SUB1: variants seen among roughly 807,000 people sequenced by gnomAD.
SUB1 encodes activated RNA polymerase II transcriptional coactivator p15.
Under a neutral mutation model 16.9 loss-of-function variants are expected in SUB1, and 1 was observed. The ratio of observed to expected loss-of-function variants is 0.06; its 90% CI spans 0.02 to 0.28. The LOEUF is 0.28. SUB1 is among the 10% of genes least tolerant of loss of function. The pLI, the probability that SUB1 is intolerant of heterozygous loss-of-function variation, is 1.00. For synonymous variants in SUB1, 51 were observed against 46.9 expected (o/e 1.09, Z -0.36); for missense variants, 84 against 145.2 (o/e 0.58, Z 2.16).
rs988406593 is a variant in SUB1 at position 32,601,846 on chromosome 5, A to C, written c.*762A>C. ...TAGTCTGCAGAAAATAATGACTTAG[A>C]TGAGATGTCTGACTTGCTTTCACTT... On this transcript the variant is annotated 3_prime_UTR_variant, in exon 5 of 5. Transcript: ENST00000265073. The C allele has an allele frequency of 1.2e-5, 2 of 161,654 alleles. No individual in the cohort carries two copies. The highest frequency in any genetic ancestry group is 6.0e-5 in the Admixed American group (1 of 16,790). The allele number at this position is 161,654 out of a possible 1,614,324, so 10.0% of individuals were successfully genotyped here. A position where few individuals can be genotyped will look rare whatever the true frequency, so the allele number is the denominator to read the frequency against.
intron 3 of SUB1, chr5:32,594,521 G>C: frequency 2.3e-6 from 1 of 433,314 alleles, no homozygotes; most frequent in Non-Finnish European, 4.7e-6. Context: ...TCTGGGGCAG[G>C]AGTCCATAGA....
intron 3 of SUB1, chr5:32,597,228 A>G (rs980770487): frequency 6.6e-6 from 1 of 152,170 alleles, no homozygotes; most frequent in Non-Finnish European, 1.5e-5. Flanking sequence ...CTCTGTGGCC[A>G]TTAAACAACA....
chr5:32,588,688 C>G (rs1179317713), intron 2 of SUB1, 104 bp downstream of exon 2: 3 of 1,201,682 alleles, frequency 2.5e-6, no homozygotes, highest in Non-Finnish European at 3.4e-6. Context: ...AAATGAGGAT[C>G]TAGCTGGGCG....
At position 32,602,524 on chromosome 5, in the gene SUB1, T is replaced by A. The variant is rs903688228; in HGVS notation, c.*1440T>A. The A allele has an allele frequency of 1.7e-5, 3 of 172,168 alleles. No individual in the cohort carries two copies. The highest frequency in any genetic ancestry group is 7.2e-5 in the African/African-American group (3 of 41,846). 10.7% of individuals were successfully genotyped at this position (172,168 alleles called of 1,614,324 possible). On this transcript the variant is annotated 3_prime_UTR_variant, in exon 5 of 5. Coordinates refer to ENST00000265073, the MANE Select transcript of SUB1 (RefSeq NM_006713.4). The stretch of plus-strand genomic sequence containing the variant: ...ATATTAGAGTTTTGCACTATTTTGC[T>A]ACCAAGTTTGATTCATACATCTAAA...
At position 32,602,325 on chromosome 5, in the gene SUB1, T is replaced by G. The variant is rs529427507; in HGVS notation, c.*1241T>G. 41 of 423,354 alleles carry G rather than the reference T, an allele frequency of 9.7e-5. No homozygotes were observed. The highest frequency in any genetic ancestry group is 8.2e-4 in the African/African-American group (40 of 48,956). 26.2% of individuals were successfully genotyped at this position (423,354 alleles called of 1,614,324 possible). A position where few individuals can be genotyped will look rare whatever the true frequency, so the allele number is the denominator to read the frequency against. ...GGAGGCGGCAGTGAAGAGGAAATAA[T>G]TCTCTTCTATCTAAATGATATACAT... On this transcript the variant is annotated 3_prime_UTR_variant, in exon 5 of 5. Coordinates refer to ENST00000265073, the MANE Select transcript of SUB1 (RefSeq NM_006713.4).
At chr5:32,600,477 T>C (rs902210352) in intron 4 of SUB1, among the ~76,000 whole-genome samples, 1 of 152,244 alleles carries the variant, frequency 6.6e-6, no homozygotes, top group Admixed American at 6.5e-5. Flanking sequence ...CAATAGGTAC[T>C]ATGCAGGATG....
At chr5:32,589,161 T>C (rs1738753201) in intron 2 of SUB1, among the ~76,000 whole-genome samples, 2 of 152,228 alleles carry the variant, frequency 1.3e-5, no homozygotes, top group African/African-American at 4.8e-5. Flanking sequence ...CCATCATGGC[T>C]CACTGCAGCC....
chr5:32,596,443 C>G (rs987561431), intron 3 of SUB1: 18 of 152,124 alleles, frequency 1.2e-4, no homozygotes, highest in Admixed American at 3.3e-4. Context: ...TGCTTATTTT[C>G]TGTCCAAGAC....
At chr5:32,588,191 G>C (rs1310778493) in intron 1 of SUB1, among the ~76,000 whole-genome samples, 1 of 152,142 alleles carries the variant, frequency 6.6e-6, no homozygotes, top group African/African-American at 2.4e-5. Flanking sequence ...CCTTCTTGCA[G>C]TTTACCCTAC....
In SUB1 at chr5:32,601,188, G is replaced by T. The variant is rs1382947654; in HGVS notation, c.*104G>T. On this transcript the variant is annotated 3_prime_UTR_variant, in exon 5 of 5. Transcript: ENST00000265073. ...ATGTTCTCCAAGCTATTGTATGTTT[G>T]GATTGCAGAAGAATTTGTAAGATGA... The T allele has an allele frequency of 1.0e-5, 9 of 886,586 alleles. No individual in the cohort carries two copies. Among genetic ancestry groups the T allele is most frequent in the African/African-American group, 1.7e-5 (1 of 57,270 alleles). The allele number at this position is 886,586 out of a possible 1,614,324, so 54.9% of individuals were successfully genotyped here.
At chr5:32,589,608 G>A (rs1031144063) in intron 2 of SUB1, among the ~76,000 whole-genome samples, 22 of 152,132 alleles carry the variant, frequency 1.4e-4, no homozygotes, top group Admixed American at 1.4e-3. Context: ...GGTGAATTTC[G>A]CTAAATTGAG....
At chr5:32,599,120 C>G in intron 4 of SUB1, 51 bp downstream of exon 4, 1 of 1,360,576 alleles carries the variant, frequency 7.3e-7, no homozygotes, top group Non-Finnish European at 1.0e-6. Context: ...TAAACGACAA[C>G]TTTTCTGAGT....
At chr5:32,599,210 T>G (rs1739055647) in intron 4 of SUB1, 141 bp downstream of exon 4, 1 of 647,602 alleles carries the variant, frequency 1.5e-6, no homozygotes, top group Non-Finnish European at 2.7e-6. Context: ...TGTAGTTATT[T>G]TGGACATGAT....
intron 1 of SUB1, chr5:32,585,946 G>C (rs189239228): frequency 0.012 from 1,896 of 152,678 alleles, 17 homozygotes; most frequent in Middle Eastern, 0.037. Context: ...GGCGTCCCCG[G>C]GACAATGCGG....
chr5:32,587,322 C>T (rs1010443339), intron 1 of SUB1, among the ~76,000 whole-genome samples: 1 of 152,098 alleles, frequency 6.6e-6, no homozygotes, highest in Non-Finnish European at 1.5e-5. Context: ...TAGAGGTATC[C>T]ACGTATCTTG....
At chr5:32,599,410 T>C (rs1739060073) in intron 4 of SUB1, among the ~76,000 whole-genome samples, 1 of 152,242 alleles carries the variant, frequency 6.6e-6, no homozygotes, top group Non-Finnish European at 1.5e-5. Flanking sequence ...AATCTTGGTT[T>C]ACAATGCTTC....
chr5:32,599,162 G>A, intron 4 of SUB1, 93 bp downstream of exon 4: 1 of 850,032 alleles, frequency 1.2e-6, no homozygotes, highest in Non-Finnish European at 1.9e-6. Flanking sequence ...GGACACACGG[G>A]GCAAGGAAGA....
intron 3 of SUB1, among the ~76,000 whole-genome samples, chr5:32,593,981 G>A (rs528008852): frequency 2.0e-4 from 31 of 152,182 alleles, no homozygotes; most frequent in South Asian, 1.7e-3. Context: ...TGTGAGCCAC[G>A]GCGCCCAGCC....
At position 32,602,170 on chromosome 5, in the gene SUB1, G is replaced by T. The variant is rs1295172242; in HGVS notation, c.*1086G>T. 2.2e-6 allele frequency: 1 copy of T among 452,116 alleles called. No homozygotes were observed. Among genetic ancestry groups the T allele is most frequent in the Non-Finnish European group, 4.4e-6 (1 of 225,568 alleles). 28.0% of individuals were successfully genotyped at this position (452,116 alleles called of 1,614,324 possible). Reference sequence around the variant, plus strand: ...AAGTTTTAGCAGACACTAGTAAGTGGTTTGTATTTAACCATACTGATGAAG... The same window carrying T: ...AAGTTTTAGCAGACACTAGTAAGTGTTTTGTATTTAACCATACTGATGAAG... On this transcript the variant is annotated 3_prime_UTR_variant, in exon 5 of 5. Transcript: ENST00000265073.
Sources: gnomAD v4.1 joint callset for allele counts (sites outside exome capture counted in the v4.1 genomes callset) on GRCh38, gnomAD v4.1.1 for gene constraint, MANE v1.5 for transcripts, NCBI Gene and HGNC (gene_info 2026-07-23, HGNC 2026-07-21) for gene names.